Variants in DSCAML1 observed in about 807,000 individuals in gnomAD.
DSCAML1 encodes cell adhesion molecule DSCAML1.
Under a neutral mutation model 200.5 loss-of-function variants are expected in DSCAML1, and 38 were observed. The ratio of observed to expected loss-of-function variants is 0.19; its 90% CI spans 0.15 to 0.25. The LOEUF is 0.25. Ranked by LOEUF, DSCAML1 falls within the 10% of genes least tolerant of loss-of-function variation. The probability of loss-of-function intolerance (pLI) is 1.00; values close to 1 mark genes in which losing one functional copy is unlikely to be tolerated. For synonymous variants in DSCAML1, 1,215 were observed against 1,165.0 expected, an observed-to-expected ratio of 1.04 and a Z score of -0.87; for missense variants, 2,223 against 2,858.8, an observed-to-expected ratio of 0.78 and a Z score of 5.07.
chr11:117,527,063 T>C (rs888723135), intron 4 of DSCAML1, among the ~76,000 whole-genome samples: 3 of 152,128 alleles, frequency 2.0e-5, no homozygotes, highest in Non-Finnish European at 2.9e-5. Context: ...CTCAGGAGGC[T>C]GAGGTGGGAG....
At chr11:117,481,366 G>T in intron 12 of DSCAML1, 96 bp from the exon 13 acceptor site, 5 of 1,223,522 alleles carry the variant, frequency 4.1e-6, no homozygotes, top group South Asian at 2.5e-5. Flanking sequence ...TCTCAGCAAG[G>T]CCCTCTTGTT....
chr11:117,464,920 T>A, intron 17 of DSCAML1, 22 bp downstream of exon 17: 1 of 1,609,646 alleles, frequency 6.2e-7, no homozygotes, highest in Non-Finnish European at 8.5e-7. Context: ...CTGTGCCCAC[T>A]CCCTTCTGCT....
At chr11:117,453,793 G>C (rs1423758058) in intron 19 of DSCAML1, among the ~76,000 whole-genome samples, 1 of 146,820 alleles carries the variant, frequency 6.8e-6, no homozygotes, top group Non-Finnish European at 1.5e-5. Flanking sequence ...CCCTAGGCTA[G>C]AGTGCAGTAG....
At chr11:117,454,308 C>G (rs554003058) in intron 19 of DSCAML1, among the ~76,000 whole-genome samples, 11 of 152,314 alleles carry the variant, frequency 7.2e-5, no homozygotes, top group Middle Eastern at 3.4e-3. Context: ...TGTATACACA[C>G]TGAAGTTTAA....
chr11:117,720,204 G>C (rs78667446), intron 3 of DSCAML1, among the ~76,000 whole-genome samples: 6 of 152,178 alleles, frequency 3.9e-5, no homozygotes, highest in Non-Finnish European at 8.8e-5. Context: ...CACCCAGGCA[G>C]CCAGGTATGG....
At position 117,438,096 on chromosome 11, in the gene DSCAML1, G is replaced by A. The variant is rs1592573309; in HGVS notation, c.4244-13C>T. ...TGTAGCACGAAGCCTGCGGAGGGTA[G>A]GCCTGATTCAGGTGGGGGCAGGGCA... On this transcript the variant is annotated splice_polypyrimidine_tract_variant and intron_variant, in intron 24 of 32. Coordinates refer to ENST00000651296, the MANE Select transcript of DSCAML1 (RefSeq NM_020693.4). 1 of 1,597,244 alleles carries A rather than the reference G, an allele frequency of 6.3e-7. No individual in the cohort carries two copies. The highest frequency in any genetic ancestry group is 2.2e-5 in the East Asian group (1 of 44,446).
intron 11 of DSCAML1, among the ~76,000 whole-genome samples, chr11:117,502,057 T>C (rs574159330): frequency 1.3e-5 from 2 of 152,292 alleles, no homozygotes; most frequent in East Asian, 3.9e-4. Context: ...TTACCAAATA[T>C]GCTCCTTCTG....
intron 15 of DSCAML1, 102 bp downstream of exon 15, chr11:117,471,767 C>G: frequency 2.8e-6 from 4 of 1,406,726 alleles, no homozygotes; most frequent in Middle Eastern, 2.6e-4. Context: ...CACGCCACCC[C>G]CTTTAACTGC....
chr11:117,458,672 C>G, intron 19 of DSCAML1, 82 bp downstream of exon 19: 1 of 1,538,684 alleles, frequency 6.5e-7, no homozygotes, highest in Non-Finnish European at 8.8e-7. Flanking sequence ...GTACCCTGCT[C>G]TCACCCTGCC....
chr11:117,615,518 C>T (rs1307816816), intron 3 of DSCAML1, among the ~76,000 whole-genome samples: 1 of 151,944 alleles, frequency 6.6e-6, no homozygotes, highest in Non-Finnish European at 1.5e-5. Flanking sequence ...TCCCACTGAC[C>T]CTAGCCTCTT....
At chr11:117,743,261 C>T (rs2054455125) in intron 3 of DSCAML1, among the ~76,000 whole-genome samples, 1 of 152,088 alleles carries the variant, frequency 6.6e-6, no homozygotes. Context: ...GAGTGGAGGC[C>T]CAGGGAGGAG....
chr11:117,601,422 C>CTGAG (rs2051464424), intron 3 of DSCAML1, among the ~76,000 whole-genome samples: 1 of 152,166 alleles, frequency 6.6e-6, no homozygotes, highest in Non-Finnish European at 1.5e-5. Flanking sequence ...GAGGGCCCAG[C>CTGAG]TGAGATGTCC....
intron 19 of DSCAML1, 144 bp downstream of exon 19, chr11:117,458,610 C>T: frequency 9.0e-7 from 1 of 1,107,210 alleles, no homozygotes; most frequent in South Asian, 1.6e-5. Flanking sequence ...GCATTTCCCT[C>T]AAGAGTCCTC....
At chr11:117,700,776 T>C (rs1034736441) in intron 3 of DSCAML1, among the ~76,000 whole-genome samples, 1 of 152,156 alleles carries the variant, frequency 6.6e-6, no homozygotes, top group African/African-American at 2.4e-5. Context: ...AGCTGTAATG[T>C]GAACTGGGGG....
At chr11:117,477,232 C>T (rs1574433) in intron 14 of DSCAML1, among the ~76,000 whole-genome samples, 35,876 of 151,174 alleles carry the variant, frequency 0.24, 4,680 homozygotes, top group South Asian at 0.43. Flanking sequence ...CACACGTGCA[C>T]ACTCTCTCCT....
intron 3 of DSCAML1, among the ~76,000 whole-genome samples, chr11:117,565,322 A>G (rs1396697059): frequency 6.6e-6 from 1 of 152,198 alleles, no homozygotes; most frequent in Non-Finnish European, 1.5e-5. Flanking sequence ...TATGTCAGAA[A>G]CAGTTGAATG....
At chr11:117,744,055 A>G (rs2054470891) in intron 3 of DSCAML1, among the ~76,000 whole-genome samples, 1 of 152,220 alleles carries the variant, frequency 6.6e-6, no homozygotes, top group Admixed American at 6.5e-5. Flanking sequence ...CTGTGCCCAC[A>G]GTGCCTGGCA....
intron 12 of DSCAML1, 128 bp downstream of exon 12, chr11:117,481,835 G>T: frequency 2.1e-6 from 2 of 968,884 alleles, no homozygotes; most frequent in Non-Finnish European, 3.1e-6. Context: ...GAAAGGGGAG[G>T]TACATTTTTG....
chr11:117,723,876 G>A (rs4938436), intron 3 of DSCAML1, among the ~76,000 whole-genome samples: 143,345 of 152,284 alleles, frequency 0.94, 67,859 homozygotes, highest in East Asian at 1. Context: ...CAACCACGTC[G>A]TCTCCTCCCA....
Sources: allele counts gnomAD v4.1 joint callset (sites outside exome capture counted in the v4.1 genomes callset), GRCh38; gene constraint gnomAD v4.1.1; transcripts MANE v1.5; gene names NCBI Gene and HGNC (gene_info 2026-07-23, HGNC 2026-07-21).